CMSS1: variants seen among roughly 807,000 people sequenced by gnomAD.
CMSS1 encodes protein CMSS1.
A neutral mutation model predicts 43.5 loss-of-function variants in CMSS1; 33 were observed. The ratio of observed to expected loss-of-function variants is 0.76; its 90% CI spans 0.57 to 1.01. The LOEUF is 1.01. Ranked by LOEUF, CMSS1 falls within the 50% of genes least tolerant of loss-of-function variation. The probability of loss-of-function intolerance (pLI) is 0.00; values close to 1 mark genes in which losing one functional copy is unlikely to be tolerated. For missense variants in CMSS1, 313 were observed against 326.4 expected (o/e 0.96, Z 0.32); for synonymous variants, 115 against 117.2 (o/e 0.98, Z 0.12).
chr3:100,084,916 G>A (rs1222244546), intron 1 of CMSS1, among the ~76,000 whole-genome samples: 1 of 152,226 alleles, frequency 6.6e-6, no homozygotes, highest in Non-Finnish European at 1.5e-5. Context: ...TAGCCACTAT[G>A]TAAAGGTAAT....
At chr3:100,017,804 A>G (rs149029149) in intron 1 of CMSS1, among the ~76,000 whole-genome samples, 1 of 152,290 alleles carries the variant, frequency 6.6e-6, no homozygotes, top group Admixed American at 6.5e-5. Flanking sequence ...TCCGACCTTC[A>G]GTGCTCCTGG....
chr3:99,881,304 C>G (rs536589463), intron 1 of CMSS1, among the ~76,000 whole-genome samples: 39 of 152,256 alleles, frequency 2.6e-4, no homozygotes, highest in African/African-American at 8.9e-4. Flanking sequence ...TTATTTATTC[C>G]TACAAACATT....
intron 1 of CMSS1, among the ~76,000 whole-genome samples, chr3:99,994,520 A>T (rs746113439): frequency 2.0e-5 from 3 of 152,216 alleles, no homozygotes; most frequent in Non-Finnish European, 4.4e-5. Context: ...AAAAATCAAA[A>T]TCATATCAAA....
chr3:100,099,155 G>C (rs1330772713), intron 1 of CMSS1, among the ~76,000 whole-genome samples: 2 of 152,202 alleles, frequency 1.3e-5, no homozygotes, highest in Non-Finnish European at 2.9e-5. Context: ...GAATTAATCA[G>C]AGAATACAAT....
chr3:99,888,442 T>A (rs1705978295), intron 1 of CMSS1, among the ~76,000 whole-genome samples: 1 of 152,108 alleles, frequency 6.6e-6, no homozygotes, highest in Admixed American at 6.5e-5. Flanking sequence ...TACCAAAGGT[T>A]CTTCCCAGAG....
chr3:99,860,772 G>T (rs1192861006), intron 1 of CMSS1, among the ~76,000 whole-genome samples: 4 of 152,170 alleles, frequency 2.6e-5, no homozygotes, highest in African/African-American at 9.7e-5. Context: ...ATGTAAATTT[G>T]TACCAGGATA....
intron 1 of CMSS1, among the ~76,000 whole-genome samples, chr3:99,954,271 A>G (rs1461371501): frequency 6.6e-6 from 1 of 152,256 alleles, no homozygotes; most frequent in Non-Finnish European, 1.5e-5. Flanking sequence ...CTAATTCCAC[A>G]GCCCAGGTTC....
At chr3:100,008,248 C>G (rs1283239458) in intron 1 of CMSS1, among the ~76,000 whole-genome samples, 1 of 152,158 alleles carries the variant, frequency 6.6e-6, no homozygotes, top group Admixed American at 6.5e-5. Context: ...TACTCCACCC[C>G]TGCTTCCCAA....
chr3:99,824,027 A>G (rs570745199), intron 1 of CMSS1, among the ~76,000 whole-genome samples: 34 of 150,746 alleles, frequency 2.3e-4, no homozygotes, highest in Non-Finnish European at 4.1e-4. Flanking sequence ...AGTTCAAATG[A>G]TTCTCCTGTC....
chr3:99,911,691 C>T (rs1014821592), intron 1 of CMSS1, among the ~76,000 whole-genome samples: 1 of 152,196 alleles, frequency 6.6e-6, no homozygotes, highest in Non-Finnish European at 1.5e-5. Flanking sequence ...TCGCTCCCTG[C>T]AGAGCTAATC....
chr3:99,883,318 A>T (rs1705789773), intron 1 of CMSS1, among the ~76,000 whole-genome samples: 1 of 152,200 alleles, frequency 6.6e-6, no homozygotes, highest in Admixed American at 6.5e-5. Flanking sequence ...TGTTGAATAA[A>T]TGCGTTGCTT....
At chr3:99,881,623 C>A (rs963143958) in intron 1 of CMSS1, among the ~76,000 whole-genome samples, 1 of 151,902 alleles carries the variant, frequency 6.6e-6, no homozygotes. Flanking sequence ...ACCTCCGACT[C>A]CTGGGTTCAG....
In CMSS1 at chr3:100,098,778, T is replaced by C. The variant is rs532947634; in HGVS notation, c.65-48195T>C. Among the ~76,000 whole-genome samples, 60 of 152,346 alleles carry C rather than the reference T, an allele frequency of 3.9e-4. No homozygotes were observed. The South Asian group carries it at 0.012, about 30-fold the overall frequency. On this transcript the variant is annotated intron_variant, in intron 1 of 9. Coordinates refer to ENST00000421999, the MANE Select transcript of CMSS1 (RefSeq NM_032359.4). ...TGAAAACAAACCATTAGCAAGGATC[T>C]GTTTTTAAAAATGCCTTTCTTAAAC...
intron 1 of CMSS1, among the ~76,000 whole-genome samples, chr3:99,886,155 G>C (rs539121870): frequency 1.3e-5 from 2 of 152,358 alleles, no homozygotes; most frequent in African/African-American, 4.8e-5. Flanking sequence ...AGATATAGAA[G>C]AGTCCTACTG....
chr3:100,109,103 C>T (rs1298935340), intron 1 of CMSS1, among the ~76,000 whole-genome samples: 3 of 148,872 alleles, frequency 2.0e-5, no homozygotes, highest in Non-Finnish European at 4.4e-5. Context: ...AAAAAAAAAG[C>T]ATATTTCTCT....
At chr3:100,051,270 C>T (rs2065367255) in intron 1 of CMSS1, 1 of 151,842 alleles carries the variant, frequency 6.6e-6, no homozygotes, top group Admixed American at 6.6e-5. Flanking sequence ...TCAATATATG[C>T]TGTGCAATTA....
intron 1 of CMSS1, among the ~76,000 whole-genome samples, chr3:99,854,575 G>A (rs1360724805): frequency 1.3e-5 from 2 of 152,050 alleles, no homozygotes; most frequent in Non-Finnish European, 2.9e-5. Context: ...TTGATATTTG[G>A]GGCCAGATAA....
chr3:99,837,847 A>G (rs1942963733), intron 1 of CMSS1, among the ~76,000 whole-genome samples: 1 of 152,206 alleles, frequency 6.6e-6, no homozygotes, highest in Non-Finnish European at 1.5e-5. Context: ...AATGTGGCCT[A>G]AGTTGGTGGT....
chr3:99,860,635 A>C (rs890480391), intron 1 of CMSS1, among the ~76,000 whole-genome samples: 1 of 152,194 alleles, frequency 6.6e-6, no homozygotes, highest in Non-Finnish European at 1.5e-5. Context: ...GGTGCCCATG[A>C]TTCTGGGCTA....
Sources: gnomAD v4.1 joint callset for allele counts (sites outside exome capture counted in the v4.1 genomes callset) on GRCh38, gnomAD v4.1.1 for gene constraint, MANE v1.5 for transcripts, NCBI Gene and HGNC (gene_info 2026-07-23, HGNC 2026-07-21) for gene names.